Variants in PCDHGA9 observed in about 807,000 individuals in gnomAD.
PCDHGA9 encodes protocadherin gamma-A9.
A neutral mutation model predicts 62.5 loss-of-function variants in PCDHGA9; 37 were observed. The observed-to-expected ratio is 0.59, with a 90% CI of 0.46 to 0.78. The LOEUF is 0.78. Ranked by LOEUF, PCDHGA9 falls within the 30% of genes least tolerant of loss-of-function variation. PCDHGA9 has a pLI of 0.00. For missense variants in PCDHGA9, 1,138 were observed against 1,166.2 expected (o/e 0.98, Z 0.35); for synonymous variants, 459 against 484.6 (o/e 0.95, Z 0.69).
At chr5:141,420,474 C>T in intron 1 of PCDHGA9, 1 of 677,328 alleles carries the variant, frequency 1.5e-6, no homozygotes, top group Non-Finnish European at 2.1e-6. Context: ...CATTTTAAAG[C>T]AAACTACATG....
intron 1 of PCDHGA9, chr5:141,410,447 C>T (rs760711107): frequency 3.1e-6 from 5 of 1,613,984 alleles, no homozygotes; most frequent in African/African-American, 2.7e-5. Context: ...GGGGACTTTG[C>T]CTTATTCTTA....
chr5:141,491,826 C>G lies in PCDHGA9; in HGVS notation c.2425-2981C>G. ...GGCTTGGTCGCTGGCTGCGCTCCAC[C>G]CGATTCTCGGGATCATTGGACCGTT... On this transcript the variant is annotated intron_variant, in intron 1 of 3. Coordinates refer to ENST00000573521, the MANE Select transcript of PCDHGA9 (RefSeq NM_018921.3). The surrounding 1 kb of genome is among the most constrained non-coding windows in gnomAD (Gnocchi z 6.9). 1 of 1,477,526 alleles carries G rather than the reference C, an allele frequency of 6.8e-7. No individual in the cohort carries two copies. The highest frequency in any genetic ancestry group is 9.0e-7 in the Non-Finnish European group (1 of 1,114,486). 91.5% of individuals were successfully genotyped at this position (1,477,526 alleles called of 1,614,324 possible). A position where few individuals can be genotyped will look rare whatever the true frequency, so the allele number is the denominator to read the frequency against.
At position 141,489,657 on chromosome 5, in the gene PCDHGA9, G is replaced by T. The variant is rs755618175; in HGVS notation, c.2425-5150G>T. 6.2e-7 allele frequency: 1 copy of T among 1,614,198 alleles called. No individual in the cohort carries two copies. Among genetic ancestry groups the T allele is most frequent in the Admixed American group, 1.7e-5 (1 of 60,030 alleles). ...CTAGCTTTGCCACCCCTGAGCGAGA[G>T]ATGCGCATCTCAGAATCAGCAGCAT... On this transcript the variant is annotated intron_variant, in intron 1 of 3. Coordinates refer to ENST00000573521, the MANE Select transcript of PCDHGA9 (RefSeq NM_018921.3). This position sits in a 1 kb window ranked among gnomAD's most constrained non-coding sequence, Gnocchi z 4.5.
chr5:141,418,597 G>T, intron 1 of PCDHGA9: 7 of 1,614,052 alleles, frequency 4.3e-6, no homozygotes, highest in South Asian at 1.1e-5. Flanking sequence ...GCCAGGACGT[G>T]TACAGGGTTA....
chr5:141,471,046 C>CTT (rs1170588345), intron 1 of PCDHGA9, among the ~76,000 whole-genome samples: 26 of 113,248 alleles, frequency 2.3e-4, no homozygotes, highest in Non-Finnish European at 3.0e-4. Context: ...CCCAAGCCCT[C>CTT]TTTTTTTTTT....
chr5:141,492,398 C>T (rs1347317333), intron 1 of PCDHGA9, among the ~76,000 whole-genome samples: 2 of 152,244 alleles, frequency 1.3e-5, no homozygotes, highest in Non-Finnish European at 1.5e-5. Flanking sequence ...CCACTCGCAG[C>T]TCCCCTCTGC....
chr5:141,500,400 G>A (rs2099799942), intron 2 of PCDHGA9, among the ~76,000 whole-genome samples: 1 of 151,666 alleles, frequency 6.6e-6, no homozygotes, highest in East Asian at 1.9e-4. Context: ...TAGTAGAGAC[G>A]GGGTTTCACC....
chr5:141,434,455 G>A (rs2097695575), intron 1 of PCDHGA9, among the ~76,000 whole-genome samples: 1 of 152,192 alleles, frequency 6.6e-6, no homozygotes, highest in Admixed American at 6.5e-5. Context: ...GAAGGTAGTG[G>A]GTTTACCGGA....
At chr5:141,449,979 C>T (rs1382206842) in intron 1 of PCDHGA9, among the ~76,000 whole-genome samples, 1 of 148,862 alleles carries the variant, frequency 6.7e-6, no homozygotes, top group Non-Finnish European at 1.5e-5. Context: ...TCCAAAATAT[C>T]ACACATTGCA....
In PCDHGA9 at chr5:141,421,516, T is replaced by G. The variant is rs199973694; in HGVS notation, c.2424+16140T>G. On this transcript the variant is annotated intron_variant, in intron 1 of 3. Transcript: ENST00000573521. Reference sequence around the variant, plus strand: ...AGGCAGGATAGACCGGGAGGAGCTCTGTGAGACGGTGTCCTCCTGTTTTTT... The same window carrying G: ...AGGCAGGATAGACCGGGAGGAGCTCGGTGAGACGGTGTCCTCCTGTTTTTT... 1.4e-5 allele frequency: 22 copies of G among 1,614,064 alleles called. No homozygotes were observed. The East Asian group carries it at 4.9e-4, about 36-fold the overall frequency.
At chr5:141,447,884 G>A (rs1324802340) in intron 1 of PCDHGA9, among the ~76,000 whole-genome samples, 1 of 152,024 alleles carries the variant, frequency 6.6e-6, no homozygotes, top group Non-Finnish European at 1.5e-5. Context: ...TCAGGAGTTC[G>A]AGACCAGCCT....
In PCDHGA9 at chr5:141,489,739, G is replaced by A; in HGVS notation, c.2425-5068G>A. On this transcript the variant is annotated intron_variant, in intron 1 of 3. Transcript: ENST00000573521. The surrounding 1 kb of genome is among the most constrained non-coding windows in gnomAD (Gnocchi z 4.5). Reference sequence around the variant, plus strand: ...GGATCCGGATGTGGGCACCAATACTGTGAGCTTTTACACTCTAAGCCCCAA... The same window carrying A: ...GGATCCGGATGTGGGCACCAATACTATGAGCTTTTACACTCTAAGCCCCAA... 3 of 1,614,170 alleles carry A rather than the reference G, an allele frequency of 1.9e-6. No homozygotes were observed. The highest frequency in any genetic ancestry group is 2.2e-5 in the South Asian group (2 of 91,076).
rs748115530 is a variant in PCDHGA9 at position 141,489,429 on chromosome 5, G to C, written c.2425-5378G>C. 5 of 1,614,022 alleles carry C rather than the reference G, an allele frequency of 3.1e-6. No individual in the cohort carries two copies. The East Asian group carries it at 8.9e-5, about 29-fold the overall frequency. ...AGATGACAGATCTGTTGAGCCGGCG[G>C]CTGCAATTGGGCTCTGAGGAGAATG... On this transcript the variant is annotated intron_variant, in intron 1 of 3. Transcript: ENST00000573521. The surrounding 1 kb of genome is among the most constrained non-coding windows in gnomAD (Gnocchi z 4.5).
At chr5:141,467,941 G>A (rs1173095290) in intron 1 of PCDHGA9, among the ~76,000 whole-genome samples, 4 of 151,984 alleles carry the variant, frequency 2.6e-5, no homozygotes, top group Admixed American at 2.6e-4. Context: ...TTACAAGCAT[G>A]AGCCACCACA....
In PCDHGA9 at chr5:141,432,220, C is replaced by A. The variant is rs949257429; in HGVS notation, c.2424+26844C>A. ...CCGACTGTGAAGAGAACGCCCAGAT[C>A]ACTTATTCCCTGGCTGAGAACACCA... On this transcript the variant is annotated intron_variant, in intron 1 of 3. Coordinates refer to ENST00000573521, the MANE Select transcript of PCDHGA9 (RefSeq NM_018921.3). This position sits in a 1 kb window ranked among gnomAD's most constrained non-coding sequence, Gnocchi z 6.0. The A allele has an allele frequency of 2.5e-6, 4 of 1,614,246 alleles. No homozygotes were observed. The highest frequency in any genetic ancestry group is 1.6e-4 in the Middle Eastern group (1 of 6,062).
At chr5:141,428,019 G>C in intron 1 of PCDHGA9, 1 of 1,604,824 alleles carries the variant, frequency 6.2e-7, no homozygotes, top group Non-Finnish European at 8.5e-7. Flanking sequence ...AGTGCCACGC[G>C]CCGCAGAGTC....
chr5:141,434,938 A>G (rs938787407), intron 1 of PCDHGA9, among the ~76,000 whole-genome samples: 2 of 151,738 alleles, frequency 1.3e-5, no homozygotes, highest in Admixed American at 1.3e-4. Flanking sequence ...TATATAATAG[A>G]TATAATTTAT....
chr5:141,438,583 CATACATACATATATAT>C (rs1183800202), intron 1 of PCDHGA9, among the ~76,000 whole-genome samples: 1 of 57,610 alleles, frequency 1.7e-5, no homozygotes, highest in African/African-American at 9.0e-5. Context: ...TACATACATA[CATACATACATATATAT>C]ATATATATAT....
At chr5:141,472,980 C>CAAAAAAA (rs60579131) in intron 1 of PCDHGA9, among the ~76,000 whole-genome samples, 1 of 86,102 alleles carries the variant, frequency 1.2e-5, no homozygotes, top group South Asian at 4.3e-4. Flanking sequence ...GAGTGAAACT[C>CAAAAAAA]AAAAAAAAAA....
Sources: gnomAD v4.1 joint callset for allele counts (sites outside exome capture counted in the v4.1 genomes callset) on GRCh38, gnomAD v4.1.1 for gene constraint, Gnocchi (gnomAD v3.1) non-coding constraint, MANE v1.5 for transcripts, NCBI Gene and HGNC (gene_info 2026-07-23, HGNC 2026-07-21) for gene names.